HERC2: variants seen among roughly 807,000 people sequenced by gnomAD.
HERC2 encodes the protein E3 ubiquitin-protein ligase HERC2.
A neutral mutation model predicts 537.7 loss-of-function variants in HERC2; 102 were observed. The ratio of observed to expected loss-of-function variants is 0.19; its 90% CI spans 0.16 to 0.22. HERC2 has a LOEUF of 0.22. HERC2 is among the 10% of genes least tolerant of loss of function. The pLI is 1.00. For synonymous variants in HERC2, 2,224 were observed against 2,466.2 expected, an observed-to-expected ratio of 0.90 and a Z score of 2.91; for missense variants, 4,236 against 6,198.2, an observed-to-expected ratio of 0.68 and a Z score of 10.63.
At chr15:28,318,919 T>TTCCTAACC (rs2077160642) in intron 2 of HERC2, among the ~76,000 whole-genome samples, 1 of 150,788 alleles carries the variant, frequency 6.6e-6, no homozygotes, top group South Asian at 2.2e-4. Context: ...AAGAAACATC[T>TTCCTAACC]TCCTATCCCA....
intron 10 of HERC2, 36 bp from the exon 11 acceptor site, chr15:28,269,472 C>A (rs1428494782): frequency 2.6e-6 from 4 of 1,527,152 alleles, no homozygotes; most frequent in Admixed American, 1.8e-5. Context: ...CCTTTAACAA[C>A]AACAACAATA....
intron 2 of HERC2, among the ~76,000 whole-genome samples, chr15:28,302,470 TGA>T (rs1256730802): frequency 1.8e-5 from 2 of 108,780 alleles, no homozygotes; most frequent in African/African-American, 6.8e-5. Context: ...GCAATAAACA[TGA>T]GAGTGTACAT....
chr15:28,218,736 T>C, intron 37 of HERC2, 65 bp from the exon 38 acceptor site: 2 of 1,303,342 alleles, frequency 1.5e-6, no homozygotes, highest in South Asian at 1.2e-5. Flanking sequence ...GTCCTGCATA[T>C]AATTCAACAG....
chr15:28,146,494 T>C (rs571187796), intron 70 of HERC2, 150 bp from the exon 71 acceptor site: 28 of 634,494 alleles, frequency 4.4e-5, no homozygotes, highest in South Asian at 1.5e-4. Context: ...GACTGACCAC[T>C]CTTTCCCCAG....
intron 68 of HERC2, 141 bp from the exon 69 acceptor site, chr15:28,163,426 G>T: frequency 1.4e-6 from 1 of 699,260 alleles, no homozygotes; most frequent in Non-Finnish European, 2.3e-6. Flanking sequence ...TTAAGAAACA[G>T]ATTAAGAAAC....
intron 21 of HERC2, 79 bp from the exon 22 acceptor site, chr15:28,246,976 A>C (rs1403259529): frequency 8.3e-7 from 1 of 1,204,890 alleles, no homozygotes; most frequent in Admixed American, 2.0e-5. Context: ...CCATGATGCT[A>C]TTCTCATCTA....
rs1245247366 is a variant in HERC2 at position 28,132,813 on chromosome 15, C to T, written c.12248G>A (p.Arg4083His). 13 of 1,562,164 alleles carry T rather than the reference C, an allele frequency of 8.3e-6. No homozygotes were observed. Among genetic ancestry groups the T allele is most frequent in the South Asian group, 2.4e-5 (2 of 84,154 alleles). Reference protein sequence around the residue: ...HGNRSPCDRPRVIESLRGIEV... With the variant: ...HGNRSPCDRPHVIESLRGIEV... ...AATTCCTCTCAGAGACTCGATGACACGAGGGCGGTCACACGGACTGCAAAA... is the reference window on the plus strand; with the variant it reads ...AATTCCTCTCAGAGACTCGATGACATGAGGGCGGTCACACGGACTGCAAAA... The change falls in exon 80 of 93, where the codon CGT (arginine) becomes CAT (histidine). Residue 4083 changes from arginine (R) to histidine (H), a missense_variant. Physicochemically the swap from Arg to His is conservative, Grantham distance 29 (BLOSUM62 0). Around this residue, in one of 27 missense-constraint regions of HERC2, gnomAD observed 94 missense variants for 137.4 expected, o/e 0.68. Transcript: ENST00000261609.
At chr15:28,286,873 G>A (rs1452461755) in intron 4 of HERC2, among the ~76,000 whole-genome samples, 1 of 152,078 alleles carries the variant, frequency 6.6e-6, no homozygotes, top group Non-Finnish European at 1.5e-5. Context: ...TCCTGCTGAG[G>A]GCCTACACGC....
chr15:28,274,607 G>A (rs950969236), intron 6 of HERC2, among the ~76,000 whole-genome samples, 160 bp from the exon 7 acceptor site: 4 of 152,216 alleles, frequency 2.6e-5, no homozygotes, highest in African/African-American at 7.2e-5. Context: ...TGTGTTTCAC[G>A]GCTGTCACAT....
intron 3 of HERC2, among the ~76,000 whole-genome samples, chr15:28,295,312 G>A (rs1321353947): frequency 3.6e-5 from 5 of 139,066 alleles, no homozygotes; most frequent in African/African-American, 5.2e-5. Flanking sequence ...TGTGTGTGGG[G>A]GGGGGGGAGT....
intron 17 of HERC2, among the ~76,000 whole-genome samples, chr15:28,256,720 G>C (rs533161539): frequency 2.0e-5 from 3 of 151,946 alleles, no homozygotes; most frequent in Admixed American, 6.6e-5. Flanking sequence ...TCAGCCTCCC[G>C]AGTAGCTGGA....
At chr15:28,133,509 T>A (rs1056379049) in intron 79 of HERC2, among the ~76,000 whole-genome samples, 1 of 152,226 alleles carries the variant, frequency 6.6e-6, no homozygotes, top group Non-Finnish European at 1.5e-5. Flanking sequence ...AATCTAAAAA[T>A]CTTTTCTGAC....
Position 28,132,641 on chromosome 15 carries a change from G to C in HERC2, c.12408+12C>G, listed in dbSNP as rs777334897. The stretch of plus-strand genomic sequence containing the variant: ...ATGCAGCCTCCGGCCTCTGCACACG[G>C]CGCCTCCTCACCAGCTTCGGCTTCA... On this transcript the variant is annotated intron_variant, in intron 80 of 92. Transcript: ENST00000261609. 6.4e-5 allele frequency: 95 copies of C among 1,474,678 alleles called. No individual in the cohort carries two copies. Among genetic ancestry groups the C allele is most frequent in the Non-Finnish European group, 7.7e-5 (85 of 1,106,888 alleles). The allele number at this position is 1,474,678 out of a possible 1,614,324, so 91.3% of individuals were successfully genotyped here. A position where few individuals can be genotyped will look rare whatever the true frequency, so the allele number is the denominator to read the frequency against.
chr15:28,135,885 A>C (rs1382229028), intron 78 of HERC2, among the ~76,000 whole-genome samples, 193 bp from the exon 79 acceptor site: 1 of 152,248 alleles, frequency 6.6e-6, no homozygotes, highest in Non-Finnish European at 1.5e-5. Flanking sequence ...AAATAAAAAC[A>C]TGACTATTAG....
Position 28,177,879 on chromosome 15 carries a change from G to C in HERC2, c.9164-370C>G, listed in dbSNP as rs1895447731. Among the ~76,000 whole-genome samples the C allele has an allele frequency of 6.6e-6, 1 of 152,166 alleles. No individual in the cohort carries two copies. Among genetic ancestry groups the C allele is most frequent in the Non-Finnish European group, 1.5e-5 (1 of 68,032 alleles). ...AAATAGTGTCAATTTAAGTTTTTGA[G>C]AACTGTACCTCAACAGTGAAATTAT... is the stretch of plus-strand genomic sequence containing the variant. On this transcript the variant is annotated intron_variant, in intron 59 of 92. Transcript: ENST00000261609. This position sits in a 1 kb window ranked among gnomAD's most constrained non-coding sequence, Gnocchi z 5.0.
chr15:28,230,136 T>C (rs1028107461), intron 31 of HERC2, among the ~76,000 whole-genome samples: 4 of 152,116 alleles, frequency 2.6e-5, no homozygotes, highest in African/African-American at 9.7e-5. Context: ...ATTTAAGGAA[T>C]GAATGGTGAA....
chr15:28,224,278 G>A (rs1284315361), intron 35 of HERC2, among the ~76,000 whole-genome samples: 1 of 151,776 alleles, frequency 6.6e-6, no homozygotes, highest in Non-Finnish European at 1.5e-5. Context: ...CTGGAGTGCA[G>A]TGGCTTTATC....
chr15:28,260,023 C>T (rs2075375887), intron 16 of HERC2, among the ~76,000 whole-genome samples: 1 of 146,900 alleles, frequency 6.8e-6, no homozygotes, highest in Admixed American at 6.8e-5. Flanking sequence ...GATGCCTATC[C>T]AAGTAACACA....
At chr15:28,216,041 G>A (rs1899862909) in intron 38 of HERC2, among the ~76,000 whole-genome samples, 1 of 151,664 alleles carries the variant, frequency 6.6e-6, no homozygotes, top group African/African-American at 2.4e-5. Flanking sequence ...GGCTCTCACT[G>A]TGTTTCCCAG....
Sources: allele counts gnomAD v4.1 joint callset (sites outside exome capture counted in the v4.1 genomes callset), GRCh38; gene constraint gnomAD v4.1.1; regional missense constraint gnomAD v4.1.1; non-coding constraint Gnocchi (gnomAD v3.1); transcripts MANE v1.5; gene names NCBI Gene and HGNC (gene_info 2026-07-23, HGNC 2026-07-21).